NUMB: variants seen among roughly 807,000 people sequenced by gnomAD.
The protein encoded by NUMB is NUMB endocytic adaptor protein.
NUMB carries 29 observed loss-of-function variants against 59.7 expected under a neutral mutation model. The observed-to-expected ratio is 0.49, with a 90% CI of 0.36 to 0.66. The LOEUF (loss-of-function observed/expected upper bound fraction) is 0.66. NUMB is among the 30% of genes least tolerant of loss of function. The pLI, the probability that NUMB is intolerant of heterozygous loss-of-function variation, is 0.00. For missense variants in NUMB, 723 were observed against 822.0 expected, an observed-to-expected ratio of 0.88 and a Z score of 1.47; for synonymous variants, 288 against 288.2, an observed-to-expected ratio of 1.00 and a Z score of 0.01.
rs1895824573 is a variant in NUMB at position 73,390,976 on chromosome 14, A to G, written c.-101+18961T>C. Among the ~76,000 whole-genome samples, 2 of 151,564 alleles carry G rather than the reference A, an allele frequency of 1.3e-5. 1 individual carries two copies. The highest frequency in any genetic ancestry group is 4.2e-4 in the South Asian group (2 of 4,810). On this transcript the variant is annotated intron_variant, in intron 2 of 12. Transcript: ENST00000555238. The stretch of plus-strand genomic sequence containing the variant: ...TCTTAAGTATTTTTATACTCTTGAT[A>G]CTTACAACAGGTTTTGAAACACTAT...
intron 10 of NUMB, among the ~76,000 whole-genome samples, chr14:73,283,005 T>A (rs1888733202): frequency 6.6e-6 from 1 of 152,170 alleles, no homozygotes; most frequent in Non-Finnish European, 1.5e-5. Flanking sequence ...ATGTCATCAA[T>A]CTCATTTTTC....
At chr14:73,375,276 T>C (rs1223398002) in intron 2 of NUMB, among the ~76,000 whole-genome samples, 11 of 152,232 alleles carry the variant, frequency 7.2e-5, no homozygotes, top group Admixed American at 6.5e-4. Context: ...CATTTCATCG[T>C]CCCTTACTAT....
rs191546485 is a variant in NUMB, at chr14:73,366,614, C to T, written c.-16+283G>A. Among the ~76,000 whole-genome samples, 531 of 152,208 alleles carry T rather than the reference C, an allele frequency of 3.5e-3. 1 individual carries two copies. Among genetic ancestry groups the T allele is most frequent in the Non-Finnish European group, 5.5e-3 (377 of 68,006 alleles). On this transcript the variant is annotated intron_variant, in intron 3 of 12. Coordinates refer to ENST00000555238, the MANE Select transcript of NUMB (RefSeq NM_001005743.2). ...TGTATGGAAAAGTTAAGTAACTTTC[C>T]CAATGTCACACAACAAGTAAATGAA...
intron 1 of NUMB, among the ~76,000 whole-genome samples, chr14:73,438,251 A>C (rs1898139551): frequency 6.6e-6 from 1 of 152,250 alleles, no homozygotes; most frequent in Non-Finnish European, 1.5e-5. Flanking sequence ...AATAATCAGA[A>C]ATTAATAAAC....
chr14:73,435,141 C>T (rs1897995949), intron 1 of NUMB, among the ~76,000 whole-genome samples: 1 of 152,084 alleles, frequency 6.6e-6, no homozygotes. Context: ...ACTAGAATGA[C>T]TAAAATCAAA....
At chr14:73,393,771 A>G (rs1310075723) in intron 2 of NUMB, among the ~76,000 whole-genome samples, 1 of 152,184 alleles carries the variant, frequency 6.6e-6, no homozygotes, top group Non-Finnish European at 1.5e-5. Flanking sequence ...AAGCACTTTC[A>G]TTTTATTGTC....
chr14:73,396,962 A>G lies in NUMB; in HGVS notation c.-101+12975T>C, dbSNP rs146544313. Among the ~76,000 whole-genome samples the G allele has an allele frequency of 0.013, 1,979 of 152,162 alleles. 99 individuals carry two copies. The South Asian group carries it at 0.16, about 13-fold the overall frequency. On this transcript the variant is annotated intron_variant, in intron 2 of 12. Transcript: ENST00000555238. ...ACACGGTGAAACCCTGTCTCTACTAAAAATACAAAAAATTAGCCAGGCATG... is the reference window on the plus strand; with the variant it reads ...ACACGGTGAAACCCTGTCTCTACTAGAAATACAAAAAATTAGCCAGGCATG...
chr14:73,404,962 T>A (rs940440191), intron 2 of NUMB, among the ~76,000 whole-genome samples: 24 of 152,266 alleles, frequency 1.6e-4, no homozygotes, highest in African/African-American at 5.8e-4. Flanking sequence ...GGTTTCACCA[T>A]GTTGGCCAGG....
At chr14:73,384,860 G>T (rs542157383) in intron 2 of NUMB, among the ~76,000 whole-genome samples, 1 of 150,878 alleles carries the variant, frequency 6.6e-6, no homozygotes, top group Non-Finnish European at 1.5e-5. Flanking sequence ...TTACAGGTGT[G>T]AGCCACCATG....
At chr14:73,423,966 C>CAAAA (rs34582645) in intron 1 of NUMB, among the ~76,000 whole-genome samples, 10 of 74,290 alleles carry the variant, frequency 1.3e-4, no homozygotes, top group African/African-American at 3.8e-4. Flanking sequence ...ACCCTGTCTC[C>CAAAA]AAAAAAAAAA....
At chr14:73,277,485 C>G (rs1230073394) in intron 12 of NUMB, among the ~76,000 whole-genome samples, 192 bp from the exon 13 acceptor site, 1 of 152,182 alleles carries the variant, frequency 6.6e-6, no homozygotes, top group Admixed American at 6.5e-5. Context: ...GAAAACTTGT[C>G]AAGACCATGC....
At chr14:73,310,262 A>G (rs1350262575) in intron 6 of NUMB, among the ~76,000 whole-genome samples, 1 of 152,204 alleles carries the variant, frequency 6.6e-6, no homozygotes, top group African/African-American at 2.4e-5. Flanking sequence ...TCAGGTCAGG[A>G]AACTGTTGCC....
chr14:73,353,087 T>C (rs1484725495), intron 4 of NUMB, among the ~76,000 whole-genome samples: 4 of 111,532 alleles, frequency 3.6e-5, no homozygotes, highest in South Asian at 3.1e-4. Context: ...TTTTTTTTTT[T>C]TTTTTTTTTT....
intron 2 of NUMB, among the ~76,000 whole-genome samples, chr14:73,374,591 A>G (rs1894859402): frequency 6.6e-6 from 1 of 152,064 alleles, no homozygotes; most frequent in Non-Finnish European, 1.5e-5. Context: ...ACCCATCTCA[A>G]TTTCAGAAAT....
chr14:73,297,092 G>GGGAGGT, intron 7 of NUMB, 119 bp downstream of exon 7: 1 of 613,178 alleles, frequency 1.6e-6, no homozygotes, highest in Non-Finnish European at 2.9e-6. Context: ...GCTTGAACCT[G>GGGAGGT]GGAGGTGGAG....
chr14:73,419,382 C>T (rs151262381), intron 1 of NUMB, among the ~76,000 whole-genome samples: 2,101 of 152,084 alleles, frequency 0.014, 50 homozygotes, highest in African/African-American at 0.047. Flanking sequence ...TGGTGGCGGG[C>T]GCCTGTAGTC....
intron 12 of NUMB, among the ~76,000 whole-genome samples, chr14:73,277,685 C>T (rs1888271701): frequency 6.6e-6 from 1 of 151,800 alleles, no homozygotes; most frequent in Non-Finnish European, 1.5e-5. Flanking sequence ...CTACTTGAGC[C>T]CAAGAGCTGG....
intron 5 of NUMB, among the ~76,000 whole-genome samples, chr14:73,319,194 C>T (rs1445186197): frequency 6.6e-6 from 1 of 152,074 alleles, no homozygotes; most frequent in Non-Finnish European, 1.5e-5. Context: ...ACCCGGGAGG[C>T]GGAGGTTGCA....
At chr14:73,374,161 C>T (rs112921810) in intron 2 of NUMB, among the ~76,000 whole-genome samples, 2,256 of 152,158 alleles carry the variant, frequency 0.015, 53 homozygotes, top group African/African-American at 0.048. Context: ...TGAGCCACCA[C>T]GCCCAGCCGC....
Sources: gnomAD v4.1 joint callset for allele counts (sites outside exome capture counted in the v4.1 genomes callset) on GRCh38, gnomAD v4.1.1 for gene constraint, MANE v1.5 for transcripts, NCBI Gene and HGNC (gene_info 2026-07-23, HGNC 2026-07-21) for gene names.